Variants in RCC2 observed in about 807,000 individuals in gnomAD.
RCC2 encodes protein RCC2.
A neutral mutation model predicts 64.1 loss-of-function variants in RCC2; 19 were observed. The ratio of observed to expected loss-of-function variants is 0.30; its 90% confidence interval spans 0.21 to 0.44. The LOEUF (loss-of-function observed/expected upper bound fraction) is 0.44, where lower values mean the gene tolerates loss of function less well. RCC2 is among the 20% of genes least tolerant of loss of function. The pLI, the probability that RCC2 is intolerant of heterozygous loss-of-function variation, is 1.00. For missense variants in RCC2, 508 were observed against 710.4 expected (o/e 0.72, Z 3.24); for synonymous variants, 325 against 279.6 (o/e 1.16, Z -1.62).
intron 7 of RCC2, 26 bp downstream of exon 7, chr1:17,420,687 GA>G (rs747472776): frequency 7.0e-7 from 1 of 1,431,380 alleles, no homozygotes; most frequent in South Asian, 1.2e-5. Context: ...TTAGATTACA[GA>G]GCTTTTAAAA....
intron 5 of RCC2, among the ~76,000 whole-genome samples, 191 bp from the exon 6 acceptor site, chr1:17,422,482 G>C (rs1181728247): frequency 3.3e-5 from 5 of 152,204 alleles, no homozygotes; most frequent in Non-Finnish European, 7.3e-5. Flanking sequence ...GGTGTGCAGA[G>C]AAACAGAGGG....
intron 2 of RCC2, among the ~76,000 whole-genome samples, chr1:17,435,001 G>T (rs2075721067): frequency 6.6e-6 from 1 of 152,158 alleles, no homozygotes; most frequent in Non-Finnish European, 1.5e-5. Context: ...TACTCAGGAG[G>T]CTGAGGCAGG....
In RCC2 at chr1:17,416,086, G is replaced by A. The variant is rs2075481051; in HGVS notation, c.1026+394C>T. ...CTGTCTCCAAAAAAAAAAGGGGGGG[G>A]GGGCGGGGGGGACAACCTACTGATT... On this transcript the variant is annotated intron_variant, in intron 8 of 12. Coordinates refer to ENST00000375436, the MANE Select transcript of RCC2 (RefSeq NM_018715.4). 2.7e-5 allele frequency among the ~76,000 whole-genome samples: 3 copies of A among 109,386 alleles called. No individual in the cohort carries two copies. The South Asian group carries it at 1.2e-3, about 42-fold the overall frequency. 71.8% of individuals were successfully genotyped at this position (109,386 alleles called of 152,430 possible). A position where few individuals can be genotyped will look rare whatever the true frequency, so the allele number is the denominator to read the frequency against.
chr1:17,416,701 C>A, intron 7 of RCC2, 55 bp from the exon 8 acceptor site: 2 of 1,556,602 alleles, frequency 1.3e-6, no homozygotes, highest in South Asian at 1.2e-5. Flanking sequence ...AGGGACGTGT[C>A]AGTGTGCTCA....
chr1:17,438,486 G>C lies in RCC2; in HGVS notation c.29C>G (p.Ala10Gly), dbSNP rs2075768287. The change falls in exon 2 of 13, where the codon GCC (alanine) becomes GGC (glycine). Residue 10 changes from alanine (A) to glycine (G), a missense_variant. Ala to Gly is a moderately conservative substitution (Grantham distance 60). This residue lies in a region of RCC2 where 195 missense variants were observed against 158.3 expected (regional missense o/e 1.23). Transcript: ENST00000375436. MPRKKAAAA[A>G]WEEPSSGNGT... ...GTTGCCCGAGCTCGGCTCCTCCCAG[G>C]CCGCCGCCGCCGCCTTCTTCCTGGG... The C allele has an allele frequency of 1.5e-6, 2 of 1,330,314 alleles. No individual in the cohort carries two copies. Among genetic ancestry groups the C allele is most frequent in the East Asian group, 5.8e-5 (2 of 34,676 alleles). The allele number at this position is 1,330,314 out of a possible 1,614,324, so 82.4% of individuals were successfully genotyped here.
At position 17,413,736 on chromosome 1, in the gene RCC2, C is replaced by G; in HGVS notation, c.1027-19G>C. On this transcript the variant is annotated intron_variant, in intron 8 of 12. Coordinates refer to ENST00000375436, the MANE Select transcript of RCC2 (RefSeq NM_018715.4). ...GGACCAGCTGCAAGGAAAGAAAACACAGGGTTGGAACAAACAGACTTCCAA... is the reference window on the plus strand; with the variant it reads ...GGACCAGCTGCAAGGAAAGAAAACAGAGGGTTGGAACAAACAGACTTCCAA... 4.4e-6 allele frequency: 7 copies of G among 1,603,730 alleles called. No individual in the cohort carries two copies. The highest frequency in any genetic ancestry group is 6.0e-6 in the Non-Finnish European group (7 of 1,175,374).
chr1:17,432,865 G>A (rs920629518), intron 2 of RCC2, among the ~76,000 whole-genome samples: 3 of 152,198 alleles, frequency 2.0e-5, no homozygotes, highest in Non-Finnish European at 2.9e-5. Flanking sequence ...GGCTGAGACA[G>A]GAGAAGGGCA....
rs1354798509 is a variant in RCC2 at position 17,413,655 on chromosome 1, G to T, written c.1089C>A (p.Gly363=). The change falls in exon 9 of 13, where the codon GGC becomes GGA. Residue 363 remains glycine (G), a synonymous_variant. Transcript: ENST00000375436. ...CCATCTCATCCTTCTGCTCTGCGTGGCCCAGCCGGCCATAGCCACCAAAGC... is the reference window on the plus strand; with the variant it reads ...CCATCTCATCCTTCTGCTCTGCGTGTCCCAGCCGGCCATAGCCACCAAAGC... ...SWGFGGYGRL[G]HAEQKDEMVP... is the part of the protein sequence containing the mutation. 6.2e-7 allele frequency: 1 copy of T among 1,614,030 alleles called. No individual in the cohort carries two copies. The highest frequency in any genetic ancestry group is 8.5e-7 in the Non-Finnish European group (1 of 1,180,008).
At chr1:17,435,842 C>T (rs1456605768) in intron 2 of RCC2, among the ~76,000 whole-genome samples, 2 of 150,172 alleles carry the variant, frequency 1.3e-5, no homozygotes, top group African/African-American at 4.9e-5. Flanking sequence ...TGCTTGAACC[C>T]GGGAGGCGGA....
Position 17,431,346 on chromosome 1 carries a change from A to ATAAAAAATAAAAAAT in RCC2, c.286-2148_286-2147insATTTTTTATTTTTTA, listed in dbSNP as rs1297683713. 1.6e-4 allele frequency among the ~76,000 whole-genome samples: 13 copies of ATAAAAAATAAAAAAT among 80,948 alleles called. 1 individual carries two copies. Among genetic ancestry groups the ATAAAAAATAAAAAAT allele is most frequent in the African/African-American group, 5.7e-4 (11 of 19,272 alleles). The allele number at this position is 80,948 out of a possible 152,430, so 53.1% of individuals were successfully genotyped here. ...AAGACTCCATCTCAAAAAAAAAAAA[A>ATAAAAAATAAAAAAT]AAAAAAAAAAAAAATATATATATAT... On this transcript the variant is annotated intron_variant, in intron 2 of 12. Transcript: ENST00000375436.
At chr1:17,435,873 G>A (rs954773795) in intron 2 of RCC2, among the ~76,000 whole-genome samples, 1 of 145,684 alleles carries the variant, frequency 6.9e-6, no homozygotes, top group Non-Finnish European at 1.5e-5. Flanking sequence ...AGCTGAGATC[G>A]CAACATTGCA....
At chr1:17,434,803 G>C (rs148459747) in intron 2 of RCC2, among the ~76,000 whole-genome samples, 6 of 152,212 alleles carry the variant, frequency 3.9e-5, no homozygotes, top group Non-Finnish European at 5.9e-5. Flanking sequence ...CTCCCTTTAC[G>C]TCTAGTCACA....
rs368846332 is a variant in RCC2 at position 17,416,665 on chromosome 1, C to A, written c.860-19G>T. Reference sequence around the variant, plus strand: ...TTGTGTCCTGTAGAGACCACAGAGCCGGCCATCAGCAGCAGCACAAGCACA... The same window carrying A: ...TTGTGTCCTGTAGAGACCACAGAGCAGGCCATCAGCAGCAGCACAAGCACA... On this transcript the variant is annotated intron_variant, in intron 7 of 12. Transcript: ENST00000375436. The A allele has an allele frequency of 1.3e-6, 2 of 1,595,022 alleles. No individual in the cohort carries two copies. The highest frequency in any genetic ancestry group is 2.7e-5 in the African/African-American group (2 of 74,574).
In RCC2 at chr1:17,408,263, T is replaced by C. The variant is rs1204823165; in HGVS notation, c.*827A>G. On this transcript the variant is annotated 3_prime_UTR_variant, in exon 13 of 13. Transcript: ENST00000375436. ...GACTGCTGGCTGGTCCATCTCTTAATTGGCGAGTGCGCGTGACAAGGCTCA... is the reference window on the plus strand; with the variant it reads ...GACTGCTGGCTGGTCCATCTCTTAACTGGCGAGTGCGCGTGACAAGGCTCA... 2.0e-5 allele frequency: 3 copies of C among 152,268 alleles called. No homozygotes were observed. Among genetic ancestry groups the C allele is most frequent in the African/African-American group, 7.2e-5 (3 of 41,448 alleles). 9.4% of individuals were successfully genotyped at this position (152,268 alleles called of 1,614,324 possible). A position where few individuals can be genotyped will look rare whatever the true frequency, so the allele number is the denominator to read the frequency against.
At chr1:17,415,090 A>T (rs1019383912) in intron 8 of RCC2, among the ~76,000 whole-genome samples, 2 of 152,264 alleles carry the variant, frequency 1.3e-5, no homozygotes, top group African/African-American at 4.8e-5. Flanking sequence ...TGTCTAAACC[A>T]TGGGAATCTA....
At chr1:17,425,294 GTGT>G (rs2100378607) in intron 4 of RCC2, among the ~76,000 whole-genome samples, 1 of 152,268 alleles carries the variant, frequency 6.6e-6, no homozygotes, top group African/African-American at 2.4e-5. Context: ...AATGTTCCTT[GTGT>G]AAACACAAGG....
chr1:17,429,260 G>T, intron 2 of RCC2, 61 bp from the exon 3 acceptor site: 3 of 1,319,624 alleles, frequency 2.3e-6, no homozygotes, highest in Non-Finnish European at 3.3e-6. Context: ...GCTTTCCAAG[G>T]CTGTCCAATG....
At chr1:17,422,358 C>T in intron 5 of RCC2, 67 bp from the exon 6 acceptor site, 1 of 1,388,418 alleles carries the variant, frequency 7.2e-7, no homozygotes, top group Non-Finnish European at 1.0e-6. Context: ...GATTTAGAAT[C>T]AAAGGCATCA....
At chr1:17,410,919 G>C (rs2075418253) in intron 11 of RCC2, among the ~76,000 whole-genome samples, 1 of 152,100 alleles carries the variant, frequency 6.6e-6, no homozygotes, top group African/African-American at 2.4e-5. Context: ...CCTCCTCTAA[G>C]AACTATCTGT....
Sources: gnomAD v4.1 joint callset for allele counts (sites outside exome capture counted in the v4.1 genomes callset) on GRCh38, gnomAD v4.1.1 for gene constraint, gnomAD v4.1.1 regional missense constraint, MANE v1.5 for transcripts, NCBI Gene and HGNC (gene_info 2026-07-23, HGNC 2026-07-21) for gene names.